GIT2: variants seen among roughly 807,000 people sequenced by gnomAD.
GIT2 encodes GIT ArfGAP 2.
Under a neutral mutation model 100.3 loss-of-function variants are expected in GIT2, and 32 were observed. The observed-to-expected ratio is 0.32, with a 90% CI of 0.24 to 0.43. GIT2 has a LOEUF of 0.43. Ranked by LOEUF, GIT2 falls within the 20% of genes least tolerant of loss-of-function variation. The pLI is 1.00. For missense variants in GIT2, 737 were observed against 975.1 expected, an observed-to-expected ratio of 0.76 and a Z score of 3.25; for synonymous variants, 353 against 364.1, an observed-to-expected ratio of 0.97 and a Z score of 0.35.
chr12:109,964,231 T>C (rs750892693), intron 9 of GIT2, among the ~76,000 whole-genome samples: 39 of 152,172 alleles, frequency 2.6e-4, no homozygotes, highest in Non-Finnish European at 5.1e-4. Flanking sequence ...AGTTTACAAC[T>C]TCCTTAAGGC....
chr12:109,939,162 T>C lies in GIT2; in HGVS notation c.1814+3A>G. 3 of 1,587,680 alleles carry C rather than the reference T, an allele frequency of 1.9e-6. No individual in the cohort carries two copies. The highest frequency in any genetic ancestry group is 2.6e-6 in the Non-Finnish European group (3 of 1,156,132). On this transcript the variant is annotated splice_donor_region_variant and intron_variant, in intron 17 of 19. Transcript: ENST00000355312. The stretch of plus-strand genomic sequence containing the variant: ...CCCTGGCACGCTCGTCCTGTGCATG[T>C]ACCCCATGCCATCTGGCTCCATGTC...
At chr12:109,997,078 C>A (rs1889541518), upstream of GIT2, among the ~76,000 whole-genome samples, 1 of 152,002 alleles carries the variant, frequency 6.6e-6, no homozygotes, top group African/African-American at 2.4e-5. Flanking sequence ...GGCACAGTGG[C>A]AGGAGCCTGT....
rs1877735102 is a variant in GIT2, at chr12:109,951,161, T to G, written c.1392+6A>C. ...TCAACCGTCCTGGCATTTATTAACA[T>G]GTTACCTTTTTCTGCATAATTCTCA... On this transcript the variant is annotated splice_donor_region_variant and intron_variant, in intron 14 of 19. Coordinates refer to ENST00000355312, the MANE Select transcript of GIT2 (RefSeq NM_057169.5). 6.2e-7 allele frequency: 1 copy of G among 1,611,760 alleles called. No individual in the cohort carries two copies. Among genetic ancestry groups the G allele is most frequent in the Non-Finnish European group, 8.5e-7 (1 of 1,177,840 alleles).
At chr12:109,935,865 C>T (rs576651351) in intron 18 of GIT2, among the ~76,000 whole-genome samples, 92 of 152,308 alleles carry the variant, frequency 6.0e-4, no homozygotes, top group African/African-American at 2.1e-3. Flanking sequence ...CGAGCACACC[C>T]GGATTAATGA....
At chr12:109,993,218 G>C (rs1021600634) in intron 1 of GIT2, among the ~76,000 whole-genome samples, 1 of 151,998 alleles carries the variant, frequency 6.6e-6, no homozygotes, top group Non-Finnish European at 1.5e-5. Flanking sequence ...TGAATACCTA[G>C]AAACCTCAAA....
Position 109,939,173 on chromosome 12 carries a change from A to T in GIT2, c.1806T>A (p.Asp602Glu), listed in dbSNP as rs199600983. 1.2e-5 allele frequency: 19 copies of T among 1,605,162 alleles called. No individual in the cohort carries two copies. The East Asian group carries it at 4.2e-4, about 36-fold the overall frequency. The stretch of plus-strand genomic sequence containing the variant: ...TCGTCCTGTGCATGTACCCCATGCC[A>T]TCTGGCTCCATGTCGTTGGGAGTGT... ...YDNTPNDMEPDGMGSSRKGRQ... is the reference protein window; with the variant it reads ...YDNTPNDMEPEGMGSSRKGRQ... The change falls in exon 17 of 20, where the codon GAT (aspartate) becomes GAA (glutamate). Residue 602 changes from aspartate (D) to glutamate (E), a missense_variant. Asp to Glu is a conservative substitution (Grantham distance 45, BLOSUM62 2). Transcript: ENST00000355312.
chr12:109,942,212 G>C (rs1171163071), intron 16 of GIT2, among the ~76,000 whole-genome samples: 1 of 152,134 alleles, frequency 6.6e-6, no homozygotes. Context: ...TATATGAATA[G>C]ATAAAAACTT....
intron 12 of GIT2, 128 bp downstream of exon 12, chr12:109,959,719 A>AT (rs1254845252): frequency 1.6e-6 from 1 of 638,258 alleles, no homozygotes; most frequent in Middle Eastern, 2.8e-4. Context: ...AAGTAAAAAA[A>AT]CAAACAAAAA....
At position 109,947,358 on chromosome 12, in the gene GIT2, C is replaced by A. The variant is rs373898511; in HGVS notation, c.1539G>T (p.Met513Ile). The A allele has an allele frequency of 1.2e-5, 19 of 1,614,038 alleles. No individual in the cohort carries two copies. Among genetic ancestry groups the A allele is most frequent in the Non-Finnish European group, 1.6e-5 (19 of 1,180,000 alleles). Residue 513 changes from methionine to isoleucine, a missense_variant, in exon 15 of 20, where the codon ATG becomes ATT. This residue lies in a region of GIT2 where 451 missense variants were observed against 543.7 expected (regional missense o/e 0.83). Coordinates refer to ENST00000355312, the MANE Select transcript of GIT2 (RefSeq NM_057169.5). This position sits in a 1 kb window ranked among gnomAD's most constrained non-coding sequence, Gnocchi z 4.3. ...GACCTGATCCGGTCTCGTACATGGA[C>A]ATGGGCCTACTGCCCCGGGCAGACG... ...RRPSARGSRP[M>I]SMYETGSGQK... is the part of the protein sequence containing the mutation.
Position 109,962,309 on chromosome 12 carries a change from C to T in GIT2, c.817-624G>A, listed in dbSNP as rs936398570. On this transcript the variant is annotated intron_variant, in intron 9 of 19. Transcript: ENST00000355312. The surrounding 1 kb of genome is among the most constrained non-coding windows in gnomAD (Gnocchi z 4.3). ...TCAAGGCTGCAGTGAGCCAAGATCA[C>T]ACCACTGCACTCCAGGCTGGGTGAC... is the stretch of plus-strand genomic sequence containing the variant. Among the ~76,000 whole-genome samples the T allele has an allele frequency of 6.6e-6, 1 of 151,548 alleles. No individual in the cohort carries two copies. The highest frequency in any genetic ancestry group is 2.4e-5 in the African/African-American group (1 of 41,390).
chr12:109,999,568 A>C (rs1013233722), upstream of GIT2: 16 of 702,970 alleles, frequency 2.3e-5, no homozygotes, highest in African/African-American at 3.0e-4. This position sits in a 1 kb window ranked among gnomAD's most constrained non-coding sequence, Gnocchi z 4.3. Context: ...GCCGGCCGGC[A>C]GCGTAACACG....
In GIT2 at chr12:109,962,427, C is replaced by T. The variant is rs1345008261; in HGVS notation, c.817-742G>A. Among the ~76,000 whole-genome samples, 1 of 152,246 alleles carries T rather than the reference C, an allele frequency of 6.6e-6. No individual in the cohort carries two copies. The highest frequency in any genetic ancestry group is 1.5e-5 in the Non-Finnish European group (1 of 68,046). ...TGTGCCCTTGCACAAAAACGTGACT[C>T]AGACCTCAGCTGAGTTTCTTTGCTC... On this transcript the variant is annotated intron_variant, in intron 9 of 19. Transcript: ENST00000355312. The surrounding 1 kb of genome is among the most constrained non-coding windows in gnomAD (Gnocchi z 4.3).
In GIT2 at chr12:109,996,165, C is replaced by T. The variant is rs1346911249; in HGVS notation, c.52+8G>A. 6.6e-6 allele frequency: 10 copies of T among 1,504,946 alleles called. No homozygotes were observed. Among genetic ancestry groups the T allele is most frequent in the Non-Finnish European group, 8.9e-6 (10 of 1,120,800 alleles). The allele number at this position is 1,504,946 out of a possible 1,614,324, so 93.2% of individuals were successfully genotyped here. ...CAGAGGGGAGCGGGCCCGGCCGGTG[C>T]GACTCACCCGGCCCGCTGCAGTCAG... On this transcript the variant is annotated splice_region_variant and intron_variant, in intron 1 of 19. Transcript: ENST00000355312.
chr12:109,980,364 C>T (rs1343916368), intron 7 of GIT2, among the ~76,000 whole-genome samples: 5 of 152,022 alleles, frequency 3.3e-5, no homozygotes, highest in Non-Finnish European at 5.9e-5. Context: ...CCGTTGCACC[C>T]GGCAGAAGCT....
chr12:109,933,975 C>T lies in GIT2; in HGVS notation c.2067+47G>A, dbSNP rs373918020. 276 of 985,146 alleles carry T rather than the reference C, an allele frequency of 2.8e-4. No homozygotes were observed. Among genetic ancestry groups the T allele is most frequent in the Admixed American group, 4.2e-4 (25 of 59,150 alleles). The allele number at this position is 985,146 out of a possible 1,614,324, so 61.0% of individuals were successfully genotyped here. A position where few individuals can be genotyped will look rare whatever the true frequency, so the allele number is the denominator to read the frequency against. ...ATATAGGTCATAAAGAAATTTCTTG[C>T]TGTTCATTTAAAAGGATTTAAACCA... On this transcript the variant is annotated intron_variant, in intron 19 of 19. Transcript: ENST00000355312. The surrounding 1 kb of genome is among the most constrained non-coding windows in gnomAD (Gnocchi z 4.5).
chr12:109,932,751 C>T lies in GIT2; in HGVS notation c.*227G>A. ...AACTCAACAGTTGTTGACAACACAA[C>T]CGAACATCAGAAACTAAACCAGCAA... is the stretch of plus-strand genomic sequence containing the variant. On this transcript the variant is annotated 3_prime_UTR_variant, in exon 20 of 20. Coordinates refer to ENST00000355312, the MANE Select transcript of GIT2 (RefSeq NM_057169.5). 2.0e-6 allele frequency: 1 copy of T among 498,334 alleles called. No individual in the cohort carries two copies. The highest frequency in any genetic ancestry group is 3.6e-6 in the Non-Finnish European group (1 of 275,602). The allele number at this position is 498,334 out of a possible 1,614,324, so 30.9% of individuals were successfully genotyped here. A position where few individuals can be genotyped will look rare whatever the true frequency, so the allele number is the denominator to read the frequency against.
chr12:109,960,452 T>TGTAATTACAGGCGG (rs1880775343), intron 11 of GIT2, among the ~76,000 whole-genome samples: 1 of 151,918 alleles, frequency 6.6e-6, no homozygotes, highest in African/African-American at 2.4e-5. Flanking sequence ...TGGTGGCGGG[T>TGTAATTACAGGCGG]GCCTGTAATC....
At chr12:109,975,965 T>C (rs1284780551) in intron 7 of GIT2, among the ~76,000 whole-genome samples, 4 of 151,842 alleles carry the variant, frequency 2.6e-5, no homozygotes, top group Non-Finnish European at 5.9e-5. Context: ...AGAGACAGGG[T>C]TTCACCATGT....
intron 12 of GIT2, among the ~76,000 whole-genome samples, chr12:109,959,497 T>C (rs1205293496): frequency 1.3e-5 from 2 of 152,172 alleles, no homozygotes; most frequent in South Asian, 2.1e-4. Context: ...AAGATAAATA[T>C]GTGTAGCAGT....
Sources: gnomAD v4.1 joint callset for allele counts (sites outside exome capture counted in the v4.1 genomes callset) on GRCh38, gnomAD v4.1.1 for gene constraint, gnomAD v4.1.1 regional missense constraint, Gnocchi (gnomAD v3.1) non-coding constraint, MANE v1.5 for transcripts, NCBI Gene and HGNC (gene_info 2026-07-23, HGNC 2026-07-21) for gene names.